NOC4L: variants seen among roughly 807,000 people sequenced by gnomAD.
NOC4L encodes nucleolar complex associated 4 homolog.
Under a neutral mutation model 62.8 loss-of-function variants are expected in NOC4L, and 40 were observed. The observed-to-expected ratio is 0.64, with a 90% confidence interval of 0.49 to 0.83. The LOEUF is 0.83. Among genes scored for constraint, NOC4L ranks in the 40% least tolerant of loss-of-function variants. The pLI is 0.00. For synonymous variants in NOC4L, 433 were observed against 299.8 expected (o/e 1.44, Z -4.59); for missense variants, 927 against 701.9 (o/e 1.32, Z -3.62).
chr12:132,145,587 G>A lies in NOC4L; in HGVS notation c.267G>A (p.Lys89=), dbSNP rs944764243. 1.1e-5 allele frequency: 18 copies of A among 1,613,232 alleles called. No individual in the cohort carries two copies. The highest frequency in any genetic ancestry group is 1.4e-5 in the Non-Finnish European group (17 of 1,179,750). ...CCCAGGGAGCCACACGGAAGTACAAGGTGTGGATGAGACACCGCTATCACA... is the reference window on the plus strand; with the variant it reads ...CCCAGGGAGCCACACGGAAGTACAAAGTGTGGATGAGACACCGCTATCACA... The part of the protein sequence containing the change: ...TGSQGATRKY[K]VWMRHRYHSC... Residue 89 remains lysine (K), a synonymous_variant, in exon 3 of 15, where the codon AAG becomes AAA. Transcript: ENST00000330579.
chr12:132,147,278 C>T lies in NOC4L; in HGVS notation c.346-3C>T, dbSNP rs1379578932. The stretch of plus-strand genomic sequence containing the variant: ...CAGCCACCCTGCACTGCCCCCTTCC[C>T]AGGAGCTGGCCCTCAGCGCACTCCT... On this transcript the variant is annotated splice_polypyrimidine_tract_variant and splice_region_variant and intron_variant, in intron 3 of 14. Transcript: ENST00000330579. The T allele has an allele frequency of 2.4e-5, 36 of 1,529,206 alleles. No homozygotes were observed. The highest frequency in any genetic ancestry group is 1.7e-4 in the East Asian group (7 of 40,830). 94.7% of individuals were successfully genotyped at this position (1,529,206 alleles called of 1,614,324 possible). A position where few individuals can be genotyped will look rare whatever the true frequency, so the allele number is the denominator to read the frequency against.
rs748786527 is a variant in NOC4L, at chr12:132,144,463, C to T, written c.-26C>T. The T allele has an allele frequency of 3.0e-5, 44 of 1,484,704 alleles. No homozygotes were observed. The highest frequency in any genetic ancestry group is 1.3e-4 in the East Asian group (5 of 37,266). 92.0% of individuals were successfully genotyped at this position (1,484,704 alleles called of 1,614,324 possible). On this transcript the variant is annotated 5_prime_UTR_variant, in exon 1 of 15. Coordinates refer to ENST00000330579, the MANE Select transcript of NOC4L (RefSeq NM_024078.3). ...CACGGGAGCGCCGGCGGCTGAGAATCCGCGTTGTTCCGTGTTGGGGGCGGC... is the reference window on the plus strand; with the variant it reads ...CACGGGAGCGCCGGCGGCTGAGAATTCGCGTTGTTCCGTGTTGGGGGCGGC...
intron 3 of NOC4L, 92 bp downstream of exon 3, chr12:132,145,757 G>T: frequency 3.5e-6 from 3 of 859,980 alleles, no homozygotes; most frequent in Non-Finnish European, 5.5e-6. Context: ...TCCCACAATT[G>T]TCCAGGCAAA....
Position 132,152,435 on chromosome 12 carries a change from C to T in NOC4L, c.*34C>T. The T allele has an allele frequency of 6.5e-7, 1 of 1,547,288 alleles. No homozygotes were observed. The highest frequency in any genetic ancestry group is 8.8e-7 in the Non-Finnish European group (1 of 1,141,610). Reference sequence around the variant, plus strand: ...CACCTGTGAATAAATCTCAGCTGACCCCAGCCCACCTGTGAATAAATGTTT... The same window carrying T: ...CACCTGTGAATAAATCTCAGCTGACTCCAGCCCACCTGTGAATAAATGTTT... On this transcript the variant is annotated 3_prime_UTR_variant, in exon 15 of 15. Coordinates refer to ENST00000330579, the MANE Select transcript of NOC4L (RefSeq NM_024078.3).
chr12:132,150,810 C>T (rs1897904625), intron 9 of NOC4L, 171 bp from the exon 10 acceptor site: 1 of 618,506 alleles, frequency 1.6e-6, no homozygotes. Flanking sequence ...CCACTGCCTC[C>T]ACCCCCCACT....
At chr12:132,146,362 G>A (rs776257291) in intron 3 of NOC4L, 23 of 454,824 alleles carry the variant, frequency 5.1e-5, no homozygotes, top group East Asian at 1.4e-4. Flanking sequence ...TCGTTCAGCC[G>A]CTCGTAGGTT....
chr12:132,152,266 G>A lies in NOC4L; in HGVS notation c.1432-16G>A, dbSNP rs1012124294. The A allele has an allele frequency of 1.3e-6, 2 of 1,578,336 alleles. No homozygotes were observed. The highest frequency in any genetic ancestry group is 1.7e-6 in the Non-Finnish European group (2 of 1,162,542). On this transcript the variant is annotated splice_polypyrimidine_tract_variant and intron_variant, in intron 14 of 14. Transcript: ENST00000330579. ...CTGAGCCAAGCCTGAGAGCCGCCGT[G>A]CTTTGTGCTTTGCAGATCTTTGAGC... is the stretch of plus-strand genomic sequence containing the variant.
chr12:132,144,685 A>G, intron 1 of NOC4L, 80 bp downstream of exon 1: 4 of 1,235,058 alleles, frequency 3.2e-6, no homozygotes, highest in Non-Finnish European at 4.1e-6. Flanking sequence ...GCAGGTCCCC[A>G]GGAGGTTCCG....
intron 5 of NOC4L, 48 bp downstream of exon 5, chr12:132,147,830 G>T: frequency 6.2e-7 from 1 of 1,610,740 alleles, no homozygotes. Context: ...GCCTCCCAGG[G>T]AGGCAGGGAC....
In NOC4L at chr12:132,144,862, C is replaced by T. The variant is rs750779647; in HGVS notation, c.126C>T (p.Asp42=). Residue 42 remains aspartate, a synonymous_variant, in exon 2 of 15, where the codon GAC becomes GAT. Coordinates refer to ENST00000330579, the MANE Select transcript of NOC4L (RefSeq NM_024078.3). ...CGCCGCCTCTCCTGCAGTCTGAGGA[C>T]CAGGAGGAGATCCAGGAAGCAGTCC... is the stretch of plus-strand genomic sequence containing the variant. ...FDILAVLQSE[D]QEEIQEAVRT... The T allele has an allele frequency of 1.2e-6, 2 of 1,601,122 alleles. No homozygotes were observed. Among genetic ancestry groups the T allele is most frequent in the Admixed American group, 3.5e-5 (2 of 57,508 alleles).
At chr12:132,151,131 C>A (rs1897922670) in intron 10 of NOC4L, 90 bp downstream of exon 10, 3 of 1,441,380 alleles carry the variant, frequency 2.1e-6, no homozygotes, top group African/African-American at 1.4e-5. Flanking sequence ...GGGGTCCCCG[C>A]TTTCCTCACA....
rs911207342 is a variant in NOC4L, at chr12:132,147,933, G to A, written c.657G>A (p.Leu219=). ...NAFTLLSAVS[L]PRREPTVSSF... ...TCACGCTGCTGTCTGCCGTGAGCCTGCCCCGCCGGGAGCCCACCGTCTCCA... is the reference window on the plus strand; with the variant it reads ...TCACGCTGCTGTCTGCCGTGAGCCTACCCCGCCGGGAGCCCACCGTCTCCA... The change falls in exon 6 of 15, where the codon CTG becomes CTA. Residue 219 remains leucine (L), a synonymous_variant. Transcript: ENST00000330579. 3.7e-6 allele frequency: 6 copies of A among 1,602,624 alleles called. No homozygotes were observed. In the African/African-American group the frequency reaches 6.7e-5, roughly 18 times the overall value.
chr12:132,152,178 T>C lies in NOC4L; in HGVS notation c.1412T>C (p.Leu471Pro), dbSNP rs1485009453. ...SMPEVSIAPLLELTAYEIFER... is the reference protein window; with the variant it reads ...SMPEVSIAPLPELTAYEIFER... ...CCTGAGGTCAGCATCGCGCCACTGC[T>C]GGAGCTCACGGCCTACGAGGTGCGG... The change falls in exon 14 of 15, where the codon CTG becomes CCG. Residue 471 changes from leucine to proline, a missense_variant. Physicochemically the swap from Leu to Pro is moderately conservative, Grantham distance 98 (BLOSUM62 -3). Coordinates refer to ENST00000330579, the MANE Select transcript of NOC4L (RefSeq NM_024078.3). 1.9e-5 allele frequency: 30 copies of C among 1,611,996 alleles called. No homozygotes were observed. Among genetic ancestry groups the C allele is most frequent in the African/African-American group, 2.7e-5 (2 of 74,928 alleles).
chr12:132,148,735 C>CCCCCCCGGGGGGGGGGGGGGGGGGGG, intron 8 of NOC4L, 49 bp from the exon 9 acceptor site: 1 of 1,309,292 alleles, frequency 7.6e-7, no homozygotes, highest in Non-Finnish European at 1.0e-6. Context: ...CCCGACCCGC[C>CCCCCCCGGGGGGGGGGGGGGGGGGGG]GGCCCCCGCC....
chr12:132,151,403 G>A (rs764496677), intron 11 of NOC4L, 35 bp downstream of exon 11: 9 of 1,604,154 alleles, frequency 5.6e-6, no homozygotes, highest in Non-Finnish European at 7.6e-6. Flanking sequence ...GCCCTGCTCT[G>A]TGCGGCTGCA....
intron 6 of NOC4L, 32 bp downstream of exon 6, chr12:132,148,011 G>A: frequency 1.2e-6 from 2 of 1,612,828 alleles, no homozygotes; most frequent in Non-Finnish European, 8.5e-7. Context: ...GGCGGACAGG[G>A]CTGAGCCTTG....
chr12:132,148,075 T>C lies in NOC4L; in HGVS notation c.707T>C (p.Leu236Pro). ...VSSFYVKRAE[L>P]WDTWKVAHLK... Reference sequence around the variant, plus strand: ...TTTGCCCTCGCTTTCCCTGCAGAGCTGTGGGACACCTGGAAGGTTGCTCAC... The same window carrying C: ...TTTGCCCTCGCTTTCCCTGCAGAGCCGTGGGACACCTGGAAGGTTGCTCAC... Residue 236 changes from leucine (L) to proline (P), a missense_variant, in exon 7 of 15, where the codon CTG (leucine) becomes CCG (proline). By Grantham distance (98) the Leu-to-Pro change is moderately conservative. Transcript: ENST00000330579. The C allele has an allele frequency of 6.2e-7, 1 of 1,613,496 alleles. No individual in the cohort carries two copies. Among genetic ancestry groups the C allele is most frequent in the South Asian group, 1.1e-5 (1 of 91,082 alleles).
rs964314046 is a variant in NOC4L, at chr12:132,148,235, A to G, written c.738+129A>G. The G allele has an allele frequency of 6.6e-5, 62 of 939,424 alleles. No individual in the cohort carries two copies. The African/African-American group carries it at 7.5e-4, about 11-fold the overall frequency. 58.2% of individuals were successfully genotyped at this position (939,424 alleles called of 1,614,324 possible). Reference sequence around the variant, plus strand: ...TCCCAGGGTACAGGTGGCAGCTTGCACGGCCACCAGGTCACTCGAAGTGTG... The same window carrying G: ...TCCCAGGGTACAGGTGGCAGCTTGCGCGGCCACCAGGTCACTCGAAGTGTG... On this transcript the variant is annotated intron_variant, in intron 7 of 14. Transcript: ENST00000330579.
At chr12:132,146,082 A>G (rs1224520433) in intron 3 of NOC4L, among the ~76,000 whole-genome samples, 1 of 152,176 alleles carries the variant, frequency 6.6e-6, no homozygotes, top group Non-Finnish European at 1.5e-5. Flanking sequence ...TGTGTTGTGC[A>G]GTGGTTGCCG....
Sources: allele counts gnomAD v4.1 joint callset (sites outside exome capture counted in the v4.1 genomes callset), GRCh38; gene constraint gnomAD v4.1.1; transcripts MANE v1.5; gene names NCBI Gene and HGNC (gene_info 2026-07-23, HGNC 2026-07-21).